PICALM: variants seen among roughly 807,000 people sequenced by gnomAD.
The protein encoded by PICALM is phosphatidylinositol binding clathrin assembly protein, also known as phosphatidylinositol-binding clathrin assembly protein.
Under a neutral mutation model 80.5 loss-of-function variants are expected in PICALM, and 40 were observed. That is an observed-to-expected ratio of 0.50 (90% CI 0.39 to 0.65). PICALM has a LOEUF of 0.65. Ranked by LOEUF, PICALM falls within the 30% of genes least tolerant of loss-of-function variation. PICALM has a pLI of 0.00. For missense variants in PICALM, 676 were observed against 778.9 expected (o/e 0.87, Z 1.57); for synonymous variants, 288 against 260.3 (o/e 1.11, Z -1.02).
chr11:86,027,401 C>T (rs2095665648), intron 2 of PICALM, among the ~76,000 whole-genome samples: 2 of 151,894 alleles, frequency 1.3e-5, no homozygotes, highest in African/African-American at 4.8e-5. Context: ...CTTTCAACTT[C>T]GCTTCTTAGG....
chr11:86,066,451 C>A (rs796081096), intron 1 of PICALM, among the ~76,000 whole-genome samples: 1 of 152,064 alleles, frequency 6.6e-6, no homozygotes, highest in African/African-American at 2.4e-5. Flanking sequence ...AGAAAAAGAA[C>A]GACAAATGCA....
intron 7 of PICALM, among the ~76,000 whole-genome samples, chr11:86,008,172 G>A (rs560578460): frequency 6.6e-6 from 1 of 152,022 alleles, no homozygotes; most frequent in Non-Finnish European, 1.5e-5. Context: ...CAGGCCCTAG[G>A]CAATTTCCAG....
intron 4 of PICALM, among the ~76,000 whole-genome samples, chr11:86,019,038 T>C (rs751743626): frequency 3.3e-5 from 5 of 152,180 alleles, no homozygotes; most frequent in Non-Finnish European, 7.3e-5. Flanking sequence ...ATATTTCTAT[T>C]TACTCGCACA....
chr11:86,023,234 A>G (rs1274448208), intron 3 of PICALM, among the ~76,000 whole-genome samples: 1 of 152,218 alleles, frequency 6.6e-6, no homozygotes, highest in Non-Finnish European at 1.5e-5. Flanking sequence ...AAATTTAATT[A>G]CTTGGTCTTT....
At chr11:85,959,911 G>C (rs2093632080) in intron 19 of PICALM, among the ~76,000 whole-genome samples, 1 of 152,084 alleles carries the variant, frequency 6.6e-6, no homozygotes, top group Non-Finnish European at 1.5e-5. Context: ...TAGAGGAATA[G>C]CATGTGGAGG....
chr11:85,988,766 G>A (rs1416288533), intron 13 of PICALM, among the ~76,000 whole-genome samples: 2 of 152,140 alleles, frequency 1.3e-5, no homozygotes, highest in African/African-American at 4.8e-5. Context: ...CAAGCACTTG[G>A]CATTCTTCAA....
chr11:85,981,720 A>G (rs1225072117), intron 16 of PICALM, 25 bp downstream of exon 16: 1 of 1,566,988 alleles, frequency 6.4e-7, no homozygotes, highest in Non-Finnish European at 8.8e-7. Flanking sequence ...ACACGGAGAA[A>G]ACAATGTGTA....
intron 19 of PICALM, among the ~76,000 whole-genome samples, chr11:85,964,587 C>T (rs2093809894): frequency 6.6e-6 from 1 of 152,232 alleles, no homozygotes. Flanking sequence ...GTTCCATCTT[C>T]CCTACTACCT....
At chr11:86,019,041 C>T (rs1198200519) in intron 4 of PICALM, among the ~76,000 whole-genome samples, 1 of 152,002 alleles carries the variant, frequency 6.6e-6, no homozygotes, top group Non-Finnish European at 1.5e-5. Flanking sequence ...TTTCTATTTA[C>T]TCGCACAGAA....
chr11:86,034,393 C>A (rs926272423), intron 1 of PICALM, among the ~76,000 whole-genome samples: 31 of 152,224 alleles, frequency 2.0e-4, no homozygotes, highest in African/African-American at 6.5e-4. Flanking sequence ...ATATTCTTCC[C>A]ACCTGTGACT....
At chr11:86,046,497 C>A (rs1244316472) in intron 1 of PICALM, among the ~76,000 whole-genome samples, 2 of 152,128 alleles carry the variant, frequency 1.3e-5, no homozygotes, top group East Asian at 3.8e-4. Context: ...ATTTTCATTT[C>A]TTTCTTACCA....
At chr11:85,984,174 T>C (rs1175687871) in intron 13 of PICALM, among the ~76,000 whole-genome samples, 4 of 152,138 alleles carry the variant, frequency 2.6e-5, no homozygotes, top group Admixed American at 2.6e-4. Context: ...ACTGACAAAA[T>C]TAACAAATGA....
intron 1 of PICALM, among the ~76,000 whole-genome samples, chr11:86,037,978 A>G (rs189683039): frequency 6.6e-6 from 1 of 152,328 alleles, no homozygotes; most frequent in African/African-American, 2.4e-5. Context: ...GAGAGCCATG[A>G]CACATTCTTT....
chr11:85,998,061 C>T (rs1379710972), intron 11 of PICALM, among the ~76,000 whole-genome samples: 8 of 152,026 alleles, frequency 5.3e-5, no homozygotes, highest in Admixed American at 1.3e-4. Flanking sequence ...GGATTACAGG[C>T]GGGAGGCACC....
chr11:86,015,982 C>A (rs796522861), intron 4 of PICALM, among the ~76,000 whole-genome samples: 1 of 152,220 alleles, frequency 6.6e-6, no homozygotes, highest in Non-Finnish European at 1.5e-5. Context: ...TAAGTAGTCA[C>A]CTATTGATCA....
intron 1 of PICALM, among the ~76,000 whole-genome samples, chr11:86,057,587 A>ATG (rs144096578): frequency 0.67 from 100,770 of 150,742 alleles, 33,937 homozygotes; most frequent in African/African-American, 0.78. Context: ...ATAAAAAATT[A>ATG]TGTGTGTGTG....
chr11:85,991,983 G>C (rs993757490), intron 12 of PICALM, among the ~76,000 whole-genome samples: 1 of 152,074 alleles, frequency 6.6e-6, no homozygotes, highest in Non-Finnish European at 1.5e-5. Flanking sequence ...AGCCTTCCGA[G>C]TAGCTGAGAC....
chr11:86,015,760 T>C (rs1254073289), intron 4 of PICALM, among the ~76,000 whole-genome samples: 1 of 152,224 alleles, frequency 6.6e-6, no homozygotes, highest in East Asian at 1.9e-4. Flanking sequence ...CTCATTCTAC[T>C]GATTTACTGT....
intron 8 of PICALM, 47 bp downstream of exon 8, chr11:86,007,495 A>C: frequency 9.2e-7 from 1 of 1,081,414 alleles, no homozygotes; most frequent in East Asian, 2.4e-5. Context: ...ACTCTTCACA[A>C]CTTGTACACA....
Sources: gnomAD v4.1 joint callset for allele counts (sites outside exome capture counted in the v4.1 genomes callset) on GRCh38, gnomAD v4.1.1 for gene constraint, MANE v1.5 for transcripts, NCBI Gene and HGNC (gene_info 2026-07-23, HGNC 2026-07-21) for gene names.